RHOBTB1: variants seen among roughly 807,000 people sequenced by gnomAD.
The protein encoded by RHOBTB1 is Rho related BTB domain containing 1.
Under a neutral mutation model 71.6 loss-of-function variants are expected in RHOBTB1, and 40 were observed. The ratio of observed to expected loss-of-function variants is 0.56; its 90% CI spans 0.43 to 0.73. The LOEUF (loss-of-function observed/expected upper bound fraction) is 0.73, where lower values mean the gene tolerates loss of function less well. Ranked by LOEUF, RHOBTB1 falls within the 30% of genes least tolerant of loss-of-function variation. RHOBTB1 has a pLI of 0.00. For synonymous variants in RHOBTB1, 319 were observed against 334.9 expected (o/e 0.95, Z 0.52); for missense variants, 797 against 894.0 (o/e 0.89, Z 1.38).
At chr10:60,957,074 T>C (rs922310206) in intron 2 of RHOBTB1, among the ~76,000 whole-genome samples, 1 of 152,180 alleles carries the variant, frequency 6.6e-6, no homozygotes, top group African/African-American at 2.4e-5. Flanking sequence ...CAATAACATA[T>C]ATGGAGCTGT....
intron 2 of RHOBTB1, among the ~76,000 whole-genome samples, chr10:60,941,514 TC>T (rs2084901740): frequency 6.6e-6 from 1 of 152,026 alleles, no homozygotes; most frequent in Non-Finnish European, 1.5e-5. Flanking sequence ...AGCATCCAGA[TC>T]CCCAGTATTC....
At chr10:60,992,319 T>C (rs141290418) in intron 1 of RHOBTB1, among the ~76,000 whole-genome samples, 3 of 152,332 alleles carry the variant, frequency 2.0e-5, no homozygotes, top group African/African-American at 7.2e-5. Flanking sequence ...ATATAAGATG[T>C]GTGCTAAGAT....
At chr10:60,938,392 T>C (rs1269078435) in intron 2 of RHOBTB1, among the ~76,000 whole-genome samples, 1 of 152,210 alleles carries the variant, frequency 6.6e-6, no homozygotes, top group Non-Finnish European at 1.5e-5. Context: ...TCAGACTGTG[T>C]CACTTATTAA....
intron 2 of RHOBTB1, among the ~76,000 whole-genome samples, chr10:60,949,664 CTTTTTTTT>C (rs147906688): frequency 1.0e-4 from 11 of 108,896 alleles, no homozygotes; most frequent in African/African-American, 3.5e-4. Context: ...CCAGGTGAAG[CTTTTTTTT>C]TTTTTTTTTT....
chr10:60,888,613 C>T lies in RHOBTB1; in HGVS notation c.1055G>A (p.Ser352Asn), dbSNP rs145106523. The T allele has an allele frequency of 1.3e-3, 2,065 of 1,614,228 alleles. 1 individual carries two copies. The highest frequency in any genetic ancestry group is 1.7e-3 in the Non-Finnish European group (1,973 of 1,180,048). ...TTCCAGCCCCAGAGCCTCCACCAGGCTCTTGTTTGAAGACTTCCACTGGTC... is the reference window on the plus strand; with the variant it reads ...TTCCAGCCCCAGAGCCTCCACCAGGTTCTTGTTTGAAGACTTCCACTGGTC... ...QADQWKSSNKSLVEALGLEAE... is the reference protein window; with the variant it reads ...QADQWKSSNKNLVEALGLEAE... Residue 352 changes from serine to asparagine, a missense_variant, in exon 6 of 11, where the codon AGC becomes AAC. Physicochemically the swap from Ser to Asn is conservative, Grantham distance 46 (BLOSUM62 1). Around this residue, in one of 2 missense-constraint regions of RHOBTB1, gnomAD observed 658 missense variants for 681.5 expected, o/e 0.97. Transcript: ENST00000337910.
At chr10:60,867,482 C>A (rs1435690888), downstream of RHOBTB1, among the ~76,000 whole-genome samples, 1 of 152,194 alleles carries the variant, frequency 6.6e-6, no homozygotes, top group Non-Finnish European at 1.5e-5. Flanking sequence ...AAATCCATGT[C>A]GCTGTGGAAA....
rs183953010 is a variant in RHOBTB1 at position 60,996,525 on chromosome 10, C to T, written c.-163+4874G>A. 5.9e-5 allele frequency among the ~76,000 whole-genome samples: 9 copies of T among 152,228 alleles called. No homozygotes were observed. In the East Asian group the frequency reaches 1.6e-3, roughly 26 times the overall value. On this transcript the variant is annotated intron_variant, in intron 1 of 11. Transcript: ENST00000357917. ...TCCACCATTGTAGATGACCTGATGT[C>T]CCCCACTGTAGATGACCTGATGTCC... is the stretch of plus-strand genomic sequence containing the variant.
intron 2 of RHOBTB1, among the ~76,000 whole-genome samples, chr10:60,953,284 T>C (rs2085476354): frequency 6.6e-6 from 1 of 152,200 alleles, no homozygotes; most frequent in African/African-American, 2.4e-5. Context: ...GGGAATAAGC[T>C]ATACATACAA....
In RHOBTB1 at chr10:60,892,953, A is replaced by G. The variant is rs1440148389; in HGVS notation, c.339T>C (p.Asn113=). 1 of 1,614,034 alleles carries G rather than the reference A, an allele frequency of 6.2e-7. No individual in the cohort carries two copies. The highest frequency in any genetic ancestry group is 8.5e-7 in the Non-Finnish European group (1 of 1,179,936). Residue 113 remains asparagine (N), a synonymous_variant, in exon 5 of 11, where the codon AAT becomes AAC. Coordinates refer to ENST00000337910, the MANE Select transcript of RHOBTB1 (RefSeq NM_014836.5). ...VVLCFSIANP[N]SLNHVKSMWY... is the part of the protein sequence containing the mutation. ...ACATGCTTTTCACATGATTTAGGGAATTGGGATTAGCAATCGAAAAACAGA... is the reference window on the plus strand; with the variant it reads ...ACATGCTTTTCACATGATTTAGGGAGTTGGGATTAGCAATCGAAAAACAGA...
intron 2 of RHOBTB1, among the ~76,000 whole-genome samples, chr10:60,960,387 G>C (rs1303131065): frequency 6.6e-6 from 1 of 152,160 alleles, no homozygotes; most frequent in Non-Finnish European, 1.5e-5. Flanking sequence ...CTGACGTCTA[G>C]TCAGACATGT....
At chr10:60,861,451 G>C in the RHOBTB1 span, among the ~76,000 whole-genome samples, 10 of 152,166 alleles carry the variant, frequency 6.6e-5, no homozygotes, top group Non-Finnish European at 1.2e-4. Context: ...TGTTTTAGGA[G>C]AAATGAGATG....
At chr10:60,910,802 G>A in intron 4 of RHOBTB1, 85 bp downstream of exon 4, 1 of 963,484 alleles carries the variant, frequency 1.0e-6, no homozygotes. Context: ...ATATGATGTG[G>A]TTTTTGTTGA....
At chr10:60,969,525 G>A (rs1486500576) in intron 2 of RHOBTB1, among the ~76,000 whole-genome samples, 1 of 151,958 alleles carries the variant, frequency 6.6e-6, no homozygotes, top group Non-Finnish European at 1.5e-5. Flanking sequence ...CAAAGAGGAA[G>A]TCAACAGTTC....
At chr10:60,965,225 A>G (rs1197617126) in intron 2 of RHOBTB1, among the ~76,000 whole-genome samples, 1 of 152,094 alleles carries the variant, frequency 6.6e-6, no homozygotes, top group Non-Finnish European at 1.5e-5. Flanking sequence ...TTCAATAAGT[A>G]TTGTTGAAAT....
chr10:60,989,068 T>C (rs947468141), intron 1 of RHOBTB1, among the ~76,000 whole-genome samples: 5 of 152,152 alleles, frequency 3.3e-5, no homozygotes, highest in East Asian at 1.9e-4. Flanking sequence ...TTCAGTCAAA[T>C]ATCACTGTGA....
At chr10:60,886,899 G>A (rs2081611433) in intron 6 of RHOBTB1, among the ~76,000 whole-genome samples, 1 of 150,194 alleles carries the variant, frequency 6.7e-6, no homozygotes. Flanking sequence ...TTTACAGATA[G>A]CATGGCACTT....
At chr10:60,975,572 T>C (rs1310464119) in intron 2 of RHOBTB1, among the ~76,000 whole-genome samples, 1 of 152,128 alleles carries the variant, frequency 6.6e-6, no homozygotes, top group Non-Finnish European at 1.5e-5. Flanking sequence ...GACTAAGTGC[T>C]GTGCTGACTT....
At chr10:60,986,551 C>T (rs925828918) in intron 1 of RHOBTB1, among the ~76,000 whole-genome samples, 1 of 151,040 alleles carries the variant, frequency 6.6e-6, no homozygotes, top group Non-Finnish European at 1.5e-5. Flanking sequence ...TTAGGAGAAA[C>T]CCTGTAAGTC....
chr10:60,972,939 T>G (rs1423076610), intron 2 of RHOBTB1, among the ~76,000 whole-genome samples: 1 of 152,002 alleles, frequency 6.6e-6, no homozygotes, highest in Non-Finnish European at 1.5e-5. Context: ...TAGAAACAAG[T>G]GCAGTGTCGA....
Sources: gnomAD v4.1 joint callset for allele counts (sites outside exome capture counted in the v4.1 genomes callset) on GRCh38, gnomAD v4.1.1 for gene constraint, gnomAD v4.1.1 regional missense constraint, MANE v1.5 for transcripts, NCBI Gene and HGNC (gene_info 2026-07-23, HGNC 2026-07-21) for gene names.